The following ELMO1 variants were observed in gnomAD, a reference collection of about 807,000 sequenced individuals.
The protein encoded by ELMO1 is engulfment and cell motility 1, also known as engulfment and cell motility protein 1.
ELMO1 carries 26 observed loss-of-function variants against 98.9 expected under a neutral mutation model. The observed-to-expected ratio is 0.26, with a 90% CI of 0.19 to 0.36. The LOEUF (loss-of-function observed/expected upper bound fraction) is 0.36. Among genes scored for constraint, ELMO1 ranks in the 10% least tolerant of loss-of-function variants. The pLI, the probability that ELMO1 is intolerant of heterozygous loss-of-function variation, is 1.00. For synonymous variants in ELMO1, 346 were observed against 346.0 expected (o/e 1.00, Z 0.00); for missense variants, 627 against 935.2 (o/e 0.67, Z 4.30).
At chr7:36,904,467 G>A (rs1783813299) in intron 16 of ELMO1, among the ~76,000 whole-genome samples, 1 of 152,122 alleles carries the variant, frequency 6.6e-6, no homozygotes, top group Non-Finnish European at 1.5e-5. Context: ...GGGCCTTGGT[G>A]TTAGCCCCCT....
intron 8 of ELMO1, among the ~76,000 whole-genome samples, chr7:37,225,274 C>T (rs906592157): frequency 3.9e-5 from 6 of 152,134 alleles, no homozygotes; most frequent in Admixed American, 2.0e-4. Context: ...AAAGACACAC[C>T]TCCAAGGATT....
chr7:37,206,144 A>G (rs1792604698), intron 13 of ELMO1, among the ~76,000 whole-genome samples: 1 of 152,236 alleles, frequency 6.6e-6, no homozygotes, highest in Admixed American at 6.5e-5. Flanking sequence ...TAATATTAAT[A>G]TCAATCATAA....
intron 15 of ELMO1, among the ~76,000 whole-genome samples, chr7:37,018,645 T>A (rs1180255144): frequency 6.6e-6 from 1 of 151,718 alleles, no homozygotes; most frequent in African/African-American, 2.4e-5. Flanking sequence ...CCTGGCTAAT[T>A]TTTGTGTTTT....
chr7:36,855,646 G>A lies in ELMO1; in HGVS notation c.2089C>T (p.Arg697Cys). ...DTLLSMEIKL[R>C]LLDLENIQIP... ...TGGATGTTTTCCAGGTCCAGGAGGC[G>A]GAGCTTGATTTCCATGCTGAGCAGG... The change falls in exon 22 of 22, where the codon CGC becomes TGC. Residue 697 changes from arginine (R) to cysteine (C), a missense_variant. Transcript: ENST00000310758. This position sits in a 1 kb window ranked among gnomAD's most constrained non-coding sequence, Gnocchi z 4.2. 6.2e-7 allele frequency: 1 copy of A among 1,614,146 alleles called. No homozygotes were observed. The highest frequency in any genetic ancestry group is 8.5e-7 in the Non-Finnish European group (1 of 1,180,008).
At chr7:37,271,775 A>C in intron 5 of ELMO1, 57 bp downstream of exon 5, 1 of 1,567,116 alleles carries the variant, frequency 6.4e-7, no homozygotes, top group Admixed American at 1.8e-5. Flanking sequence ...ACAATCACAT[A>C]TAGCAGAAAC....
At chr7:37,013,623 A>G (rs534462213) in intron 15 of ELMO1, 188 bp from the exon 16 acceptor site, 1 of 623,674 alleles carries the variant, frequency 1.6e-6, no homozygotes, top group African/African-American at 1.8e-5. Context: ...GTTTAAGGCC[A>G]GATAGTCAGA....
intron 13 of ELMO1, among the ~76,000 whole-genome samples, chr7:37,188,501 A>AAAAAATAATAAT (rs764889756): frequency 1.1e-4 from 14 of 125,942 alleles, no homozygotes; most frequent in East Asian, 4.4e-4. Context: ...AAAAAAAAAA[A>AAAAAATAATAAT]AATAATAATA....
intron 5 of ELMO1, 27 bp from the exon 6 acceptor site, chr7:37,259,377 G>A: frequency 1.2e-6 from 2 of 1,603,088 alleles, no homozygotes; most frequent in Non-Finnish European, 1.7e-6. Flanking sequence ...AAAGGGAAGA[G>A]TGTTGACAAA....
intron 1 of ELMO1, among the ~76,000 whole-genome samples, chr7:37,349,540 G>A (rs891533593): frequency 2.0e-5 from 3 of 151,854 alleles, no homozygotes; most frequent in Admixed American, 6.6e-5. Context: ...TGTAACCTCC[G>A]CCCCCCGGGT....
intron 14 of ELMO1, among the ~76,000 whole-genome samples, chr7:37,121,153 G>C (rs574523069): frequency 9.7e-4 from 148 of 152,188 alleles, no homozygotes; most frequent in Non-Finnish European, 1.8e-3. Context: ...ACCAAAGGTA[G>C]ATAAAACCAC....
chr7:37,167,030 G>T (rs969247900), intron 13 of ELMO1, among the ~76,000 whole-genome samples: 24 of 152,006 alleles, frequency 1.6e-4, no homozygotes, highest in Admixed American at 9.2e-4. Context: ...TCCTGTATTG[G>T]GTGCATATAT....
intron 14 of ELMO1, among the ~76,000 whole-genome samples, 159 bp from the exon 15 acceptor site, chr7:37,096,886 C>T (rs1305372334): frequency 2.0e-5 from 3 of 152,104 alleles, no homozygotes; most frequent in African/African-American, 7.2e-5. Context: ...TATACAGGAC[C>T]GAAAAGTCTC....
intron 13 of ELMO1, among the ~76,000 whole-genome samples, chr7:37,197,595 A>G (rs538328742): frequency 6.6e-6 from 1 of 152,332 alleles, no homozygotes; most frequent in African/African-American, 2.4e-5. Flanking sequence ...AAGGATAAAG[A>G]TAGAAGGCAT....
At chr7:37,426,563 G>A (rs1156717245) in intron 1 of ELMO1, among the ~76,000 whole-genome samples, 4 of 152,208 alleles carry the variant, frequency 2.6e-5, no homozygotes, top group South Asian at 2.1e-4. Flanking sequence ...CACAAGAGAC[G>A]CTCTGTAAAG....
At chr7:37,273,817 G>A (rs945194467) in intron 4 of ELMO1, among the ~76,000 whole-genome samples, 7 of 152,178 alleles carry the variant, frequency 4.6e-5, no homozygotes, top group African/African-American at 1.7e-4. Context: ...CTGAGGTGGT[G>A]GGAAATTTCT....
At chr7:37,103,420 CA>C (rs1225038810) in intron 14 of ELMO1, among the ~76,000 whole-genome samples, 2 of 148,896 alleles carry the variant, frequency 1.3e-5, no homozygotes, top group African/African-American at 4.9e-5. Flanking sequence ...ATCGCAAGGA[CA>C]AAAAACCAAA....
At chr7:37,218,315 T>C (rs1247269587) in intron 10 of ELMO1, among the ~76,000 whole-genome samples, 2 of 152,258 alleles carry the variant, frequency 1.3e-5, no homozygotes, top group South Asian at 2.1e-4. Context: ...ATTGTCTGTT[T>C]ACAATATTTA....
chr7:37,110,575 T>C (rs1785199236), intron 14 of ELMO1, among the ~76,000 whole-genome samples: 1 of 152,140 alleles, frequency 6.6e-6, no homozygotes, highest in Non-Finnish European at 1.5e-5. Flanking sequence ...ACTTAAAGTA[T>C]AATTTAAATA....
chr7:37,353,567 G>A (rs1801371619), intron 1 of ELMO1: 1 of 152,028 alleles, frequency 6.6e-6, no homozygotes. Context: ...CAAATAATAA[G>A]CAGCAGCAAG....
Sources: allele counts gnomAD v4.1 joint callset (sites outside exome capture counted in the v4.1 genomes callset), GRCh38; gene constraint gnomAD v4.1.1; non-coding constraint Gnocchi (gnomAD v3.1); transcripts MANE v1.5; gene names NCBI Gene and HGNC (gene_info 2026-07-23, HGNC 2026-07-21).